Variants in GCN1 observed in about 807,000 individuals in gnomAD.
GCN1 encodes stalled ribosome sensor GCN1.
A neutral mutation model predicts 288.4 loss-of-function variants in GCN1; 90 were observed. The observed-to-expected ratio is 0.31, with a 90% CI of 0.26 to 0.37. GCN1 has a LOEUF of 0.37. Among genes scored for constraint, GCN1 ranks in the 10% least tolerant of loss-of-function variants. GCN1 has a pLI of 1.00. For synonymous variants in GCN1, 1,386 were observed against 1,420.2 expected, an observed-to-expected ratio of 0.98 and a Z score of 0.54; for missense variants, 2,586 against 3,419.9, an observed-to-expected ratio of 0.76 and a Z score of 6.08.
At chr12:120,182,272 A>G (rs977681754) in intron 5 of GCN1, among the ~76,000 whole-genome samples, 1 of 152,312 alleles carries the variant, frequency 6.6e-6, no homozygotes, top group Middle Eastern at 3.4e-3. Context: ...CAAATCCAAG[A>G]GAGTCCCAGC....
chr12:120,156,475 C>G lies in GCN1; in HGVS notation c.3298G>C (p.Glu1100Gln). Residue 1100 changes from glutamate (E) to glutamine (Q), a missense_variant, in exon 28 of 58, where the codon GAA (glutamate) becomes CAA (glutamine). Glu to Gln is a conservative substitution (Grantham distance 29). Around this residue, in one of 8 missense-constraint regions of GCN1, gnomAD observed 332 missense variants for 403.0 expected, o/e 0.82. Transcript: ENST00000300648. This position sits in a 1 kb window ranked among gnomAD's most constrained non-coding sequence, Gnocchi z 5.8. ...TGAGCACACACCCGGAGCACGGTTTCCCGCACGCTGGCACACGGGGACTGC... is the reference window on the plus strand; with the variant it reads ...TGAGCACACACCCGGAGCACGGTTTGCCGCACGCTGGCACACGGGGACTGC... The part of the protein sequence containing the change: ...ALQSPCASVR[E>Q]TVLRGLMELH... 2 of 1,613,894 alleles carry G rather than the reference C, an allele frequency of 1.2e-6. No homozygotes were observed. Among genetic ancestry groups the G allele is most frequent in the Non-Finnish European group, 1.7e-6 (2 of 1,179,928 alleles).
Position 120,174,288 on chromosome 12 carries a change from T to C in GCN1, c.1094-119A>G, listed in dbSNP as rs984571302. ...ACCTCTTCTGTGTCTCCAGCAGGCA[T>C]ACCTCTCCTTTGGCCATTATTGATC... On this transcript the variant is annotated intron_variant, in intron 12 of 57. Transcript: ENST00000300648. 34 of 659,566 alleles carry C rather than the reference T, an allele frequency of 5.2e-5. No individual in the cohort carries two copies. The Admixed American group carries it at 7.1e-4, about 14-fold the overall frequency. 40.9% of individuals were successfully genotyped at this position (659,566 alleles called of 1,614,324 possible). A position where few individuals can be genotyped will look rare whatever the true frequency, so the allele number is the denominator to read the frequency against.
chr12:120,170,403 T>A, intron 14 of GCN1, 82 bp from the exon 15 acceptor site: 1 of 1,263,134 alleles, frequency 7.9e-7, no homozygotes, highest in South Asian at 1.3e-5. Flanking sequence ...TCTAACCAGC[T>A]GTGAACCAGA....
At chr12:120,157,309 T>C (rs1358915159) in intron 26 of GCN1, among the ~76,000 whole-genome samples, 1 of 152,210 alleles carries the variant, frequency 6.6e-6, no homozygotes, top group Non-Finnish European at 1.5e-5. Context: ...ATTCTTTCAC[T>C]CATCACTGAC....
rs1566310244 is a variant in GCN1 at position 120,162,839 on chromosome 12, C to A, written c.2163+8G>T. The A allele has an allele frequency of 1.2e-6, 2 of 1,613,402 alleles. No homozygotes were observed. Among genetic ancestry groups the A allele is most frequent in the Non-Finnish European group, 1.7e-6 (2 of 1,179,730 alleles). On this transcript the variant is annotated splice_region_variant and intron_variant, in intron 20 of 57. Coordinates refer to ENST00000300648, the MANE Select transcript of GCN1 (RefSeq NM_006836.2). ...ACCTGAGGCCAGACCAGCTCATGTG[C>A]CCGTCACCTGGTTTAGGGGACTCTG...
intron 16 of GCN1, among the ~76,000 whole-genome samples, chr12:120,166,443 G>C (rs1232803633): frequency 6.8e-6 from 1 of 146,772 alleles, no homozygotes; most frequent in Non-Finnish European, 1.5e-5. Context: ...GGTGGCTCAC[G>C]CATGTAATCC....
chr12:120,136,412 C>A (rs1406740130), intron 51 of GCN1, 90 bp downstream of exon 51: 1 of 951,020 alleles, frequency 1.1e-6, no homozygotes, highest in Non-Finnish European at 1.6e-6. Context: ...CACAATAAAT[C>A]TGTTGCCCTG....
chr12:120,150,019 A>G lies in GCN1; in HGVS notation c.4334T>C (p.Leu1445Pro), dbSNP rs1219304067. Residue 1445 changes from leucine to proline, a missense_variant, in exon 35 of 58, where the codon CTC becomes CCC. By Grantham distance (98) the Leu-to-Pro change is moderately conservative. This residue lies in a region of GCN1 where 371 missense variants were observed against 572.6 expected (regional missense o/e 0.65). Transcript: ENST00000300648. ...AAAAAGTTTCCCCAGCATGGTGCAG[A>G]GCATCTCGAAGGCAAAGAGGGCTCC... ...REGALFAFEM[L>P]CTMLGKLFEP... 1 of 1,614,090 alleles carries G rather than the reference A, an allele frequency of 6.2e-7. No individual in the cohort carries two copies. The highest frequency in any genetic ancestry group is 1.1e-5 in the South Asian group (1 of 91,066).
chr12:120,175,126 CAA>C (rs58560211), intron 12 of GCN1, 34 bp downstream of exon 12: 161,267 of 1,007,578 alleles, frequency 0.16, 1,509 homozygotes, highest in East Asian at 0.27. Flanking sequence ...GACTTTCTCT[CAA>C]AAAAAAAAAA....
Position 120,134,808 on chromosome 12 carries a change from C to T in GCN1, c.7009-82G>A. ...GTACCACAGGCATGAGAACAAATGA[C>T]AATCCCAAACCACCACAGCGAGTCC... On this transcript the variant is annotated intron_variant, in intron 51 of 57. Coordinates refer to ENST00000300648, the MANE Select transcript of GCN1 (RefSeq NM_006836.2). The surrounding 1 kb of genome is among the most constrained non-coding windows in gnomAD (Gnocchi z 5.0). 3.4e-6 allele frequency: 4 copies of T among 1,190,110 alleles called. No homozygotes were observed. The highest frequency in any genetic ancestry group is 2.6e-5 in the South Asian group (2 of 77,028). 73.7% of individuals were successfully genotyped at this position (1,190,110 alleles called of 1,614,324 possible).
At position 120,161,616 on chromosome 12, in the gene GCN1, G is replaced by A. The variant is rs774255190; in HGVS notation, c.2343-33C>T. On this transcript the variant is annotated intron_variant, in intron 21 of 57. Transcript: ENST00000300648. ...ACCAGAGTGGGTCATCAGCCAGCTTGAAAAGCACCGCAAGTCCTGTCAGCC... is the reference window on the plus strand; with the variant it reads ...ACCAGAGTGGGTCATCAGCCAGCTTAAAAAGCACCGCAAGTCCTGTCAGCC... The A allele has an allele frequency of 4.0e-6, 6 of 1,495,456 alleles. No individual in the cohort carries two copies. In the East Asian group the frequency reaches 6.8e-5, roughly 17 times the overall value. The allele number at this position is 1,495,456 out of a possible 1,614,324, so 92.6% of individuals were successfully genotyped here.
intron 7 of GCN1, among the ~76,000 whole-genome samples, chr12:120,178,363 A>G (rs1878544018): frequency 6.6e-6 from 1 of 152,230 alleles, no homozygotes; most frequent in Non-Finnish European, 1.5e-5. Flanking sequence ...AGAACATGGC[A>G]GCCACTAAAT....
intron 45 of GCN1, among the ~76,000 whole-genome samples, chr12:120,140,461 C>G (rs753803718): frequency 6.6e-6 from 1 of 152,162 alleles, no homozygotes; most frequent in African/African-American, 2.4e-5. Context: ...GTGCACACCC[C>G]CTCCCGCACC....
At chr12:120,191,554 C>T (rs1220015332) in intron 1 of GCN1, among the ~76,000 whole-genome samples, 1 of 152,112 alleles carries the variant, frequency 6.6e-6, no homozygotes, top group Non-Finnish European at 1.5e-5. Flanking sequence ...TTATCAGTAG[C>T]GTAAGAGTCA....
In GCN1 at chr12:120,167,352, C is replaced by CAA. The variant is rs58505091; in HGVS notation, c.1612+854_1612+855dup. Among the ~76,000 whole-genome samples the CAA allele has an allele frequency of 8.2e-3, 601 of 72,988 alleles. 14 individuals carry two copies. The highest frequency in any genetic ancestry group is 0.026 in the African/African-American group (558 of 21,676). 47.9% of individuals were successfully genotyped at this position (72,988 alleles called of 152,430 possible). ...GAGCAATAAGAACGAAACTCCATCT[C>CAA]AAAAAAAAAAAAAAAAAAAAGAATG... On this transcript the variant is annotated intron_variant, in intron 16 of 57. Transcript: ENST00000300648.
In GCN1 at chr12:120,153,768, G is replaced by A. The variant is rs373742141; in HGVS notation, c.3843C>T (p.Leu1281=). The change falls in exon 32 of 58, where the codon CTC becomes CTT. Residue 1281 remains leucine (L), a synonymous_variant. Transcript: ENST00000300648. The surrounding 1 kb of genome is among the most constrained non-coding windows in gnomAD (Gnocchi z 4.4). ...DVRKCMLDAA[L]ATLNTHGKEN... is the part of the protein sequence containing the mutation. ...CCTTCCCATGAGTGTTGAGCGTTGC[G>A]AGGGCTGCATCCAACATGCACTTCC... 36 of 1,613,996 alleles carry A rather than the reference G, an allele frequency of 2.2e-5. No individual in the cohort carries two copies. The highest frequency in any genetic ancestry group is 1.2e-4 in the African/African-American group (9 of 74,920).
At chr12:120,162,810 C>G (rs1384478256) in intron 20 of GCN1, 37 bp downstream of exon 20, 1 of 1,608,812 alleles carries the variant, frequency 6.2e-7, no homozygotes, top group Admixed American at 1.7e-5. Flanking sequence ...GGGCCCCCTC[C>G]CGGACCTGAG....
intron 14 of GCN1, among the ~76,000 whole-genome samples, chr12:120,171,369 A>AG (rs1220302761): frequency 1.3e-5 from 2 of 150,154 alleles, no homozygotes; most frequent in African/African-American, 4.9e-5. Flanking sequence ...CAGGAGGCTG[A>AG]GGTTGGAGAA....
intron 1 of GCN1, among the ~76,000 whole-genome samples, chr12:120,191,540 G>A (rs555256255): frequency 3.3e-5 from 5 of 152,298 alleles, no homozygotes; most frequent in African/African-American, 9.6e-5. Flanking sequence ...TTCAAAGGCA[G>A]GCCTTATCAG....
Sources: allele counts gnomAD v4.1 joint callset (sites outside exome capture counted in the v4.1 genomes callset), GRCh38; gene constraint gnomAD v4.1.1; regional missense constraint gnomAD v4.1.1; non-coding constraint Gnocchi (gnomAD v3.1); transcripts MANE v1.5; gene names NCBI Gene and HGNC (gene_info 2026-07-23, HGNC 2026-07-21).